The following PIK3R1 variants were observed in gnomAD, a reference collection of about 807,000 sequenced individuals.
PIK3R1 encodes the protein phosphoinositide-3-kinase regulatory subunit 1, also known as phosphatidylinositol 3-kinase regulatory subunit alpha.
A neutral mutation model predicts 98.0 loss-of-function variants in PIK3R1; 29 were observed. That is an observed-to-expected ratio of 0.30 (90% CI 0.22 to 0.40). The LOEUF (loss-of-function observed/expected upper bound fraction) is 0.40, where lower values mean the gene tolerates loss of function less well. Among genes scored for constraint, PIK3R1 ranks in the 10% least tolerant of loss-of-function variants. PIK3R1 has a pLI of 1.00. For synonymous variants in PIK3R1, 282 were observed against 311.8 expected, an observed-to-expected ratio of 0.90 and a Z score of 1.01; for missense variants, 596 against 872.7, an observed-to-expected ratio of 0.68 and a Z score of 3.99.
At chr5:68,250,497 GAGTT>G (rs1308654762) in intron 2 of PIK3R1, among the ~76,000 whole-genome samples, 1 of 152,190 alleles carries the variant, frequency 6.6e-6, no homozygotes, top group African/African-American at 2.4e-5. Context: ...TATGATAAGT[GAGTT>G]AGTTTTCCAT....
Position 68,300,887 on chromosome 5 carries a change from C to T in PIK3R1, c.*3286C>T. ...AAGTTACTCCTTTTAGGGAGCTGGTCTGATGACTTGCTTAGCTTGGAAATC... is the reference window on the plus strand; with the variant it reads ...AAGTTACTCCTTTTAGGGAGCTGGTTTGATGACTTGCTTAGCTTGGAAATC... On this transcript the variant is annotated 3_prime_UTR_variant, in exon 16 of 16. Transcript: ENST00000521381. 1 of 233,330 alleles carries T rather than the reference C, an allele frequency of 4.3e-6. No homozygotes were observed. The highest frequency in any genetic ancestry group is 8.5e-6 in the Non-Finnish European group (1 of 118,018). The allele number at this position is 233,330 out of a possible 1,614,324, so 14.5% of individuals were successfully genotyped here. A position where few individuals can be genotyped will look rare whatever the true frequency, so the allele number is the denominator to read the frequency against.
intron 2 of PIK3R1, among the ~76,000 whole-genome samples, chr5:68,243,980 T>A (rs1341610254): frequency 1.3e-5 from 2 of 152,238 alleles, no homozygotes; most frequent in Admixed American, 6.5e-5. Context: ...ATTAAACAGC[T>A]GTAGTTTAAA....
chr5:68,290,049 A>G (rs1272033999), intron 7 of PIK3R1, among the ~76,000 whole-genome samples: 2 of 152,172 alleles, frequency 1.3e-5, no homozygotes, highest in Non-Finnish European at 2.9e-5. Context: ...TAGTCTATAA[A>G]GTCTAGTTTT....
At chr5:68,224,870 C>T (rs1744218781) in intron 1 of PIK3R1, among the ~76,000 whole-genome samples, 1 of 152,236 alleles carries the variant, frequency 6.6e-6, no homozygotes, top group Non-Finnish European at 1.5e-5. Flanking sequence ...CCCTTGCCTC[C>T]ACTATGTTTA....
intron 4 of PIK3R1, among the ~76,000 whole-genome samples, chr5:68,275,664 T>TAA (rs200146317): frequency 3.9e-4 from 59 of 151,906 alleles, no homozygotes; most frequent in Middle Eastern, 6.8e-3. Context: ...GAGTCTGTGC[T>TAA]AAAAAAAAGT....
At chr5:68,223,079 T>C (rs1744147852) in intron 1 of PIK3R1, among the ~76,000 whole-genome samples, 2 of 151,274 alleles carry the variant, frequency 1.3e-5, no homozygotes, top group South Asian at 4.1e-4. Flanking sequence ...GTCAGCATCA[T>C]CATATCATCT....
intron 2 of PIK3R1, among the ~76,000 whole-genome samples, chr5:68,244,515 G>A (rs549121847): frequency 1.7e-4 from 2 of 11,800 alleles, no homozygotes; most frequent in Admixed American, 8.3e-4. Flanking sequence ...CTCTAGGACC[G>A]CCCCCCCGCC....
Position 68,299,671 on chromosome 5 carries a change from T to G in PIK3R1, c.*2070T>G, listed in dbSNP as rs562628200. 3.9e-5 allele frequency: 9 copies of G among 233,250 alleles called. No homozygotes were observed. The highest frequency in any genetic ancestry group is 2.0e-4 in the African/African-American group (9 of 45,486). 14.4% of individuals were successfully genotyped at this position (233,250 alleles called of 1,614,324 possible). ...AGATTTACCCACAGCTATATTTCTG[T>G]TTAAGTACTAGGGTGAGGGTTTTCT... On this transcript the variant is annotated 3_prime_UTR_variant, in exon 16 of 16. Transcript: ENST00000521381.
intron 7 of PIK3R1, chr5:68,288,852 C>T: frequency 2.5e-6 from 3 of 1,206,762 alleles, no homozygotes; most frequent in Admixed American, 1.7e-5. Context: ...CCCCTGTAAG[C>T]GCTGCCTGGG....
At chr5:68,236,553 A>G (rs1744678029) in intron 2 of PIK3R1, among the ~76,000 whole-genome samples, 1 of 152,164 alleles carries the variant, frequency 6.6e-6, no homozygotes, top group South Asian at 2.1e-4. Context: ...CTGGCCCTAT[A>G]ACCGTTTTTG....
At chr5:68,279,858 C>T (rs567575628) in intron 5 of PIK3R1, 125 bp downstream of exon 5, 60 of 869,750 alleles carry the variant, frequency 6.9e-5, no homozygotes, top group Non-Finnish European at 9.9e-5. Context: ...CCTCCCCCAA[C>T]AATACCACCT....
At chr5:68,230,597 G>C (rs1744430403) in intron 2 of PIK3R1, among the ~76,000 whole-genome samples, 1 of 152,196 alleles carries the variant, frequency 6.6e-6, no homozygotes, top group South Asian at 2.1e-4. Flanking sequence ...TATGTCTCCA[G>C]AACTCTTTAT....
intron 2 of PIK3R1, among the ~76,000 whole-genome samples, chr5:68,263,181 A>C (rs188241242): frequency 6.9e-6 from 1 of 144,374 alleles, no homozygotes; most frequent in Non-Finnish European, 1.5e-5. Context: ...ATATCTATAT[A>C]TACATATATC....
rs946285587 is a variant in PIK3R1, at chr5:68,293,562, A to G, written c.1299+79A>G. On this transcript the variant is annotated intron_variant, in intron 10 of 15. Coordinates refer to ENST00000521381, the MANE Select transcript of PIK3R1 (RefSeq NM_181523.3). ...AATACTTAGAAAACATTTGAAGCAG[A>G]TGAATTACATGTAATCAAGTCTAAA... is the stretch of plus-strand genomic sequence containing the variant. 12 of 1,265,672 alleles carry G rather than the reference A, an allele frequency of 9.5e-6. No homozygotes were observed. In the African/African-American group the frequency reaches 1.8e-4, roughly 19 times the overall value. 78.4% of individuals were successfully genotyped at this position (1,265,672 alleles called of 1,614,324 possible).
intron 2 of PIK3R1, among the ~76,000 whole-genome samples, chr5:68,229,033 A>G (rs1204953195): frequency 6.6e-6 from 1 of 152,182 alleles, no homozygotes; most frequent in Non-Finnish European, 1.5e-5. Context: ...TTTTAGCAGA[A>G]TTCAAGAAAG....
Position 68,301,426 on chromosome 5 carries a change from ATATATATGTGTGTG to A in PIK3R1, c.*3833_*3846del, listed in dbSNP as rs1748076447. On this transcript the variant is annotated 3_prime_UTR_variant, in exon 16 of 16. Transcript: ENST00000521381. The stretch of plus-strand genomic sequence containing the variant: ...TATATATATATATATATATATATAT[ATATATATGTGTGTG>A]TATATATATATATATGTGTATATAT... The A allele has an allele frequency of 2.7e-5, 2 of 73,826 alleles. No homozygotes were observed. The highest frequency in any genetic ancestry group is 1.2e-4 in the African/African-American group (2 of 17,226). The allele number at this position is 73,826 out of a possible 1,614,324, so 4.6% of individuals were successfully genotyped here.
In PIK3R1 at chr5:68,297,625, C is replaced by T. The variant is rs748945635; in HGVS notation, c.*24C>T. The T allele has an allele frequency of 4.4e-6, 7 of 1,606,962 alleles. No individual in the cohort carries two copies. Among genetic ancestry groups the T allele is most frequent in the Non-Finnish European group, 6.0e-6 (7 of 1,175,428 alleles). On this transcript the variant is annotated 3_prime_UTR_variant, in exon 16 of 16. Coordinates refer to ENST00000521381, the MANE Select transcript of PIK3R1 (RefSeq NM_181523.3). ...GAAGCGCTTACTCTTTGATCCTTCT[C>T]CTGAAGTTCAGCCACCCTGAGGCCT... is the stretch of plus-strand genomic sequence containing the variant.
chr5:68,265,955 T>G (rs1343890375), intron 2 of PIK3R1, among the ~76,000 whole-genome samples: 2 of 152,194 alleles, frequency 1.3e-5, no homozygotes, highest in African/African-American at 4.8e-5. Flanking sequence ...CTTATTTCCA[T>G]CCAGGCTTTC....
At position 68,280,541 on chromosome 5, in the gene PIK3R1, C is replaced by T. The variant is rs575150982; in HGVS notation, c.648C>T (p.Ser216=). ...MISLAPEVQS[S]EEYIQLLKKL... ...TTAAACTTGTAGAAGTACAAAGCTCCGAAGAATATATTCAGCTATTGAAGA... is the reference window on the plus strand; with the variant it reads ...TTAAACTTGTAGAAGTACAAAGCTCTGAAGAATATATTCAGCTATTGAAGA... The change falls in exon 6 of 16, where the codon TCC becomes TCT. Residue 216 remains serine, a synonymous_variant. Coordinates refer to ENST00000521381, the MANE Select transcript of PIK3R1 (RefSeq NM_181523.3). 2.3e-5 allele frequency: 37 copies of T among 1,607,956 alleles called. No homozygotes were observed. The highest frequency in any genetic ancestry group is 6.7e-5 in the African/African-American group (5 of 74,486).
Sources: allele counts gnomAD v4.1 joint callset (sites outside exome capture counted in the v4.1 genomes callset), GRCh38; gene constraint gnomAD v4.1.1; transcripts MANE v1.5; gene names NCBI Gene and HGNC (gene_info 2026-07-23, HGNC 2026-07-21).